The following PPFIBP2 variants were observed in gnomAD, a reference collection of about 807,000 sequenced individuals.
PPFIBP2 encodes PPFIB scaffold protein 2.
Under a neutral mutation model 118.3 loss-of-function variants are expected in PPFIBP2, and 118 were observed. The observed-to-expected ratio is 1.00, with a 90% CI of 0.86 to 1.16. PPFIBP2 has a LOEUF of 1.16. Ranked by LOEUF, PPFIBP2 falls within the 50% of genes most tolerant of loss-of-function variation. PPFIBP2 has a pLI of 0.00. For missense variants in PPFIBP2, 1,195 were observed against 1,073.1 expected (o/e 1.11, Z -1.59); for synonymous variants, 414 against 397.4 (o/e 1.04, Z -0.50).
the PPFIBP2 span, among the ~76,000 whole-genome samples, chr11:7,662,891 T>A: frequency 1.6e-3 from 228 of 141,542 alleles, 2 homozygotes; most frequent in Middle Eastern, 0.011. Context: ...GCTTCATTTC[T>A]TTTATTTCAT....
intron 5 of PPFIBP2, among the ~76,000 whole-genome samples, chr11:7,601,331 G>A (rs984131189): frequency 3.9e-5 from 6 of 152,114 alleles, no homozygotes; most frequent in African/African-American, 1.4e-4. Context: ...AGGCAAATCA[G>A]AACCAACCAG....
intron 5 of PPFIBP2, among the ~76,000 whole-genome samples, chr11:7,607,077 AT>A (rs1424896366): frequency 6.7e-6 from 1 of 149,646 alleles, no homozygotes; most frequent in African/African-American, 2.5e-5. Flanking sequence ...CACCTGGCTA[AT>A]TTTTTGTATT....
chr11:7,596,461 T>C (rs1256265335), intron 4 of PPFIBP2, among the ~76,000 whole-genome samples: 4 of 151,964 alleles, frequency 2.6e-5, no homozygotes, highest in Admixed American at 6.6e-5. Context: ...TCCAGGAATA[T>C]GTTTCAATAA....
intron 3 of PPFIBP2, among the ~76,000 whole-genome samples, chr11:7,582,109 A>G (rs1384381450): frequency 6.7e-6 from 1 of 149,778 alleles, no homozygotes; most frequent in Non-Finnish European, 1.5e-5. Flanking sequence ...AAGTGCTGGG[A>G]TTACAGGCGT....
chr11:7,656,645 C>A, downstream of PPFIBP2: 1 of 1,020,620 alleles, frequency 9.8e-7, no homozygotes, highest in Non-Finnish European at 1.3e-6. Flanking sequence ...TCACCCAGTG[C>A]CCTCTAGTTC....
chr11:7,645,697 G>A (rs1852955702), intron 17 of PPFIBP2, among the ~76,000 whole-genome samples: 1 of 152,140 alleles, frequency 6.6e-6, no homozygotes, highest in Non-Finnish European at 1.5e-5. Flanking sequence ...CAAAAAATGG[G>A]AAGACTACTG....
chr11:7,658,029 A>G (rs1254871617), downstream of PPFIBP2, among the ~76,000 whole-genome samples: 7 of 152,366 alleles, frequency 4.6e-5, no homozygotes, highest in South Asian at 1.0e-3. Flanking sequence ...ATGAATGCCA[A>G]GGTCCCTGCC....
At chr11:7,601,244 A>G (rs1168614013) in intron 5 of PPFIBP2, among the ~76,000 whole-genome samples, 1 of 151,816 alleles carries the variant, frequency 6.6e-6, no homozygotes, top group African/African-American at 2.4e-5. Flanking sequence ...TGACCTCCCA[A>G]CTCCCATCTG....
chr11:7,653,452 C>T lies in PPFIBP2; in HGVS notation c.*234C>T. The T allele has an allele frequency of 1.3e-6, 2 of 1,497,308 alleles. No homozygotes were observed. Among genetic ancestry groups the T allele is most frequent in the Non-Finnish European group, 1.8e-6 (2 of 1,123,548 alleles). The allele number at this position is 1,497,308 out of a possible 1,614,324, so 92.8% of individuals were successfully genotyped here. ...CCAAAGGTGGACTCAGGAGGAAAGA[C>T]ACTTAAAGACACTTTTACATGTCTA... On this transcript the variant is annotated 3_prime_UTR_variant, in exon 24 of 24. Transcript: ENST00000299492.
Position 7,597,047 on chromosome 11 carries a change from T to G in PPFIBP2, c.373-513T>G, listed in dbSNP as rs1860451434. 6.4e-6 allele frequency: 5 copies of G among 786,204 alleles called. No homozygotes were observed. The Admixed American group carries it at 1.8e-4, about 28-fold the overall frequency. The allele number at this position is 786,204 out of a possible 1,614,324, so 48.7% of individuals were successfully genotyped here. A position where few individuals can be genotyped will look rare whatever the true frequency, so the allele number is the denominator to read the frequency against. On this transcript the variant is annotated intron_variant, in intron 4 of 23. Coordinates refer to ENST00000299492, the MANE Select transcript of PPFIBP2 (RefSeq NM_003621.5). ...TTCTGGAGCCAAGTTTTGTCAGTGC[T>G]AATACATGCCCTTTACAGCCCACAT...
At chr11:7,549,612 T>TTA (rs1047771277) in intron 2 of PPFIBP2, 73 bp downstream of exon 2, 1 of 1,122,946 alleles carries the variant, frequency 8.9e-7, no homozygotes, top group African/African-American at 1.9e-5. Context: ...CCTTTTACTT[T>TTA]TTTTTTTTTT....
At chr11:7,655,508 T>C, downstream of PPFIBP2, 2 of 1,289,616 alleles carry the variant, frequency 1.6e-6, no homozygotes, top group Non-Finnish European at 2.0e-6. Flanking sequence ...GGTAGGACTC[T>C]GACCCTCTCC....
chr11:7,666,612 C>G, the PPFIBP2 span: 1 of 1,240,194 alleles, frequency 8.1e-7, no homozygotes, highest in East Asian at 2.4e-5. Context: ...CCTGGACTGA[C>G]TACACCGGTC....
chr11:7,636,044 T>C (rs1851408136), intron 14 of PPFIBP2, among the ~76,000 whole-genome samples: 1 of 152,180 alleles, frequency 6.6e-6, no homozygotes, highest in African/African-American at 2.4e-5. Flanking sequence ...CAGGGAAGCC[T>C]GTTGTGGAAG....
intron 3 of PPFIBP2, among the ~76,000 whole-genome samples, chr11:7,568,059 G>A (rs1282863935): frequency 1.3e-5 from 2 of 152,200 alleles, no homozygotes; most frequent in Non-Finnish European, 1.5e-5. Flanking sequence ...TGCATCCCTT[G>A]CATATTTGCT....
At chr11:7,601,518 C>T (rs1208812850) in intron 5 of PPFIBP2, among the ~76,000 whole-genome samples, 5 of 151,904 alleles carry the variant, frequency 3.3e-5, no homozygotes, top group African/African-American at 4.8e-5. Context: ...TCATAGCTGT[C>T]GACATACACA....
chr11:7,577,328 T>TAC, intron 3 of PPFIBP2: 1 of 283,134 alleles, frequency 3.5e-6, no homozygotes, highest in South Asian at 2.8e-5. Context: ...TGCGTGTGTG[T>TAC]GTGTGTGTGT....
chr11:7,594,614 T>C (rs1859932760), intron 4 of PPFIBP2, among the ~76,000 whole-genome samples: 1 of 150,452 alleles, frequency 6.6e-6, no homozygotes, highest in South Asian at 2.1e-4. Flanking sequence ...AAACCCTGTC[T>C]CTACTGAAAA....
chr11:7,526,610 G>A (rs530935012), intron 1 of PPFIBP2, among the ~76,000 whole-genome samples: 24 of 152,238 alleles, frequency 1.6e-4, no homozygotes, highest in Admixed American at 1.4e-3. Context: ...GGTGGCTCAC[G>A]CCTGTAATCC....
Sources: allele counts gnomAD v4.1 joint callset (sites outside exome capture counted in the v4.1 genomes callset), GRCh38; gene constraint gnomAD v4.1.1; transcripts MANE v1.5; gene names NCBI Gene and HGNC (gene_info 2026-07-23, HGNC 2026-07-21).